The following DOK6 variants were observed in gnomAD, a reference collection of about 807,000 sequenced individuals.
The protein encoded by DOK6 is docking protein 6.
Under a neutral mutation model 44.0 loss-of-function variants are expected in DOK6, and 22 were observed. That is an observed-to-expected ratio of 0.50 (90% confidence interval 0.36 to 0.71). The LOEUF (loss-of-function observed/expected upper bound fraction) is 0.71. Among genes scored for constraint, DOK6 ranks in the 30% least tolerant of loss-of-function variants. The pLI, the probability that DOK6 is intolerant of heterozygous loss-of-function variation, is 0.00. For synonymous variants in DOK6, 166 were observed against 145.5 expected (o/e 1.14, Z -1.01); for missense variants, 340 against 416.4 (o/e 0.82, Z 1.60).
At chr18:69,749,199 G>A (rs931419096) in intron 6 of DOK6, among the ~76,000 whole-genome samples, 1 of 151,992 alleles carries the variant, frequency 6.6e-6, no homozygotes. Context: ...AAATAGCTAG[G>A]CTTAATATCT....
chr18:69,421,088 A>T (rs922849203), intron 1 of DOK6, among the ~76,000 whole-genome samples: 1 of 152,200 alleles, frequency 6.6e-6, no homozygotes, highest in African/African-American at 2.4e-5. Context: ...GTACTCAAAG[A>T]TTAAGACAGG....
chr18:69,443,659 C>T (rs940408203), intron 1 of DOK6, among the ~76,000 whole-genome samples: 2 of 152,146 alleles, frequency 1.3e-5, no homozygotes, highest in African/African-American at 4.8e-5. Context: ...CCGTCTCTTA[C>T]TTGTATCTCC....
intron 1 of DOK6, among the ~76,000 whole-genome samples, chr18:69,427,386 C>T (rs1395776451): frequency 1.7e-5 from 2 of 120,312 alleles, no homozygotes; most frequent in South Asian, 3.3e-4. Flanking sequence ...CATAACATCA[C>T]TGATCATTAG....
At chr18:69,532,155 G>A (rs372504736) in intron 1 of DOK6, among the ~76,000 whole-genome samples, 16 of 152,262 alleles carry the variant, frequency 1.1e-4, no homozygotes, top group African/African-American at 3.4e-4. Context: ...AGAAATAAAC[G>A]TCTGTTGTTT....
In DOK6 at chr18:69,841,671, G is replaced by A. The variant is rs908585700; in HGVS notation, c.*288G>A. The A allele has an allele frequency of 6.1e-6, 2 of 326,160 alleles. No homozygotes were observed. Among genetic ancestry groups the A allele is most frequent in the African/African-American group, 4.2e-5 (2 of 48,178 alleles). 20.2% of individuals were successfully genotyped at this position (326,160 alleles called of 1,614,324 possible). A position where few individuals can be genotyped will look rare whatever the true frequency, so the allele number is the denominator to read the frequency against. On this transcript the variant is annotated 3_prime_UTR_variant, in exon 8 of 8. Coordinates refer to ENST00000382713, the MANE Select transcript of DOK6 (RefSeq NM_152721.6). ...AAATTCTTTGGGTCTGACAGTAACA[G>A]AAACCTCAGCACTGGGAAAAGTTGC...
chr18:69,543,366 G>A (rs1473846772), intron 1 of DOK6, among the ~76,000 whole-genome samples: 2 of 151,518 alleles, frequency 1.3e-5, no homozygotes, highest in South Asian at 2.1e-4. Flanking sequence ...AGTGAGAAGC[G>A]ATAAGTATGA....
At chr18:69,756,509 G>A (rs149287315) in intron 6 of DOK6, among the ~76,000 whole-genome samples, 8 of 152,304 alleles carry the variant, frequency 5.3e-5, no homozygotes, top group African/African-American at 7.2e-5. Context: ...GTAGCAGCTC[G>A]AGAAATGCCT....
At chr18:69,551,792 T>G (rs1982571857) in intron 1 of DOK6, among the ~76,000 whole-genome samples, 1 of 152,208 alleles carries the variant, frequency 6.6e-6, no homozygotes, top group Non-Finnish European at 1.5e-5. Flanking sequence ...ACTGTCTGAT[T>G]TTAATATATG....
chr18:69,648,926 C>T (rs1985151309), intron 3 of DOK6, among the ~76,000 whole-genome samples: 1 of 152,182 alleles, frequency 6.6e-6, no homozygotes, highest in Non-Finnish European at 1.5e-5. Flanking sequence ...AGAACATGAG[C>T]TGAATCTTAC....
intron 3 of DOK6, among the ~76,000 whole-genome samples, chr18:69,614,055 T>C (rs1393774850): frequency 6.6e-6 from 1 of 151,922 alleles, no homozygotes; most frequent in Non-Finnish European, 1.5e-5. Flanking sequence ...TATCAGCTTA[T>C]CACATTGCAG....
At chr18:69,582,217 T>A (rs1003235610) in intron 2 of DOK6, among the ~76,000 whole-genome samples, 1 of 152,228 alleles carries the variant, frequency 6.6e-6, no homozygotes, top group Non-Finnish European at 1.5e-5. Flanking sequence ...TGTTCTGATA[T>A]AACTTTATTT....
chr18:69,581,992 C>A (rs1026263087), intron 2 of DOK6, among the ~76,000 whole-genome samples: 2 of 152,156 alleles, frequency 1.3e-5, no homozygotes, highest in Non-Finnish European at 2.9e-5. Flanking sequence ...ACTGCTGAAC[C>A]AACACCAGTA....
At chr18:69,524,586 T>C (rs554509440) in intron 1 of DOK6, among the ~76,000 whole-genome samples, 3 of 152,108 alleles carry the variant, frequency 2.0e-5, no homozygotes, top group Admixed American at 6.6e-5. Context: ...ATCACAAATA[T>C]ACAAAATAAA....
At chr18:69,455,156 C>CAAAAAAAAAAAAAAA (rs58451274) in intron 1 of DOK6, among the ~76,000 whole-genome samples, 15 of 117,438 alleles carry the variant, frequency 1.3e-4, no homozygotes, top group East Asian at 2.4e-4. Context: ...ATAGCTATAG[C>CAAAAAAAAAAAAAAA]AAAAAAAAAA....
At chr18:69,738,825 G>C in intron 5 of DOK6, 140 bp from the exon 6 acceptor site, 4 of 1,026,074 alleles carry the variant, frequency 3.9e-6, no homozygotes, top group Non-Finnish European at 5.6e-6. Context: ...GGTTGGTTTG[G>C]TTACGGCTGA....
intron 5 of DOK6, among the ~76,000 whole-genome samples, chr18:69,729,387 C>G (rs1475563380): frequency 1.3e-5 from 2 of 151,932 alleles, no homozygotes; most frequent in African/African-American, 2.4e-5. Flanking sequence ...AATTATTTTT[C>G]CTTCATTATA....
intron 1 of DOK6, among the ~76,000 whole-genome samples, chr18:69,476,731 C>T (rs953573472): frequency 4.6e-5 from 7 of 152,154 alleles, no homozygotes; most frequent in Non-Finnish European, 7.3e-5. Flanking sequence ...GTAGCAGGGC[C>T]GACTGCGGCC....
chr18:69,573,958 A>G (rs1029373090), intron 2 of DOK6, among the ~76,000 whole-genome samples: 1 of 152,010 alleles, frequency 6.6e-6, no homozygotes, highest in Non-Finnish European at 1.5e-5. Context: ...AAAGCCATCA[A>G]TAGGAATATA....
chr18:69,539,226 C>T (rs1300329263), intron 1 of DOK6, among the ~76,000 whole-genome samples: 1 of 152,138 alleles, frequency 6.6e-6, no homozygotes, highest in African/African-American at 2.4e-5. Flanking sequence ...ATACCTCTGT[C>T]AAGCATTTAA....
Sources: allele counts gnomAD v4.1 joint callset (sites outside exome capture counted in the v4.1 genomes callset), GRCh38; gene constraint gnomAD v4.1.1; transcripts MANE v1.5; gene names NCBI Gene and HGNC (gene_info 2026-07-23, HGNC 2026-07-21).